Variants in CSNK2A2IP observed in about 807,000 individuals in gnomAD.
The protein encoded by CSNK2A2IP is casein kinase II subunit alpha'-interacting protein.
At chr3:88,357,763 G>GTT in the CSNK2A2IP span, among the ~76,000 whole-genome samples, 63,087 of 150,760 alleles carry the variant, frequency 0.42, 15,992 homozygotes, top group South Asian at 0.64. Flanking sequence ...TTCATCAATG[G>GTT]TTTTTTTTTG....
the CSNK2A2IP span, chr3:88,466,928 C>T: frequency 1.6e-4 from 196 of 1,231,294 alleles, no homozygotes; most frequent in South Asian, 2.5e-4. Context: ...CTTATCCTTT[C>T]TCTACCAGAG....
the CSNK2A2IP span, among the ~76,000 whole-genome samples, chr3:88,439,481 T>C: frequency 0.014 from 2,147 of 152,178 alleles, 47 homozygotes; most frequent in African/African-American, 0.05. Flanking sequence ...TGGTGGCTCA[T>C]GCCTGTAATC....
At chr3:88,414,282 T>G in the CSNK2A2IP span, among the ~76,000 whole-genome samples, 3 of 122,956 alleles carry the variant, frequency 2.4e-5, no homozygotes, top group Non-Finnish European at 5.1e-5. Context: ...TTTTTTTTTT[T>G]TTTTTTTTTT....
the CSNK2A2IP span, among the ~76,000 whole-genome samples, chr3:88,363,437 T>G: frequency 1.2e-4 from 18 of 152,324 alleles, no homozygotes; most frequent in Admixed American, 9.8e-4. Context: ...TTAATTTTAA[T>G]TGAATACAGT....
chr3:88,346,170 T>C, the CSNK2A2IP span, among the ~76,000 whole-genome samples: 1 of 151,976 alleles, frequency 6.6e-6, no homozygotes, highest in Non-Finnish European at 1.5e-5. Flanking sequence ...GTGAGGAAGC[T>C]GCAGAAGAAA....
the CSNK2A2IP span, among the ~76,000 whole-genome samples, chr3:88,370,846 C>A: frequency 9.9e-5 from 15 of 151,530 alleles, no homozygotes; most frequent in African/African-American, 3.1e-4. Context: ...AAAAGTGGAG[C>A]CTTGATTTGA....
the CSNK2A2IP span, among the ~76,000 whole-genome samples, chr3:88,347,358 G>A: frequency 6.6e-6 from 1 of 151,998 alleles, no homozygotes; most frequent in African/African-American, 2.4e-5. Flanking sequence ...AAACAACACT[G>A]CATGCTACAG....
the CSNK2A2IP span, among the ~76,000 whole-genome samples, chr3:88,431,470 G>C: frequency 6.6e-6 from 1 of 152,086 alleles, no homozygotes. Context: ...GGGTTGGAAG[G>C]GGGTGAAGGA....
the CSNK2A2IP span, among the ~76,000 whole-genome samples, chr3:88,344,945 T>G: frequency 6.6e-6 from 1 of 151,960 alleles, no homozygotes; most frequent in Non-Finnish European, 1.5e-5. Flanking sequence ...ATGTTTTAAT[T>G]TCTTTTATGT....
the CSNK2A2IP span, among the ~76,000 whole-genome samples, chr3:88,441,212 G>T: frequency 6.6e-6 from 1 of 152,220 alleles, no homozygotes; most frequent in Middle Eastern, 3.4e-3. Context: ...ATATTTGCTT[G>T]TTTTTTAACT....
chr3:88,343,521 G>A, the CSNK2A2IP span, among the ~76,000 whole-genome samples: 66,522 of 151,698 alleles, frequency 0.44, 15,847 homozygotes, highest in South Asian at 0.62. Context: ...GAAAGTCACT[G>A]ATTTGAGTAA....
the CSNK2A2IP span, among the ~76,000 whole-genome samples, chr3:88,346,171 G>A: frequency 6.6e-6 from 1 of 151,960 alleles, no homozygotes; most frequent in Admixed American, 6.6e-5. Flanking sequence ...TGAGGAAGCT[G>A]CAGAAGAAAA....
the CSNK2A2IP span, among the ~76,000 whole-genome samples, chr3:88,452,397 C>T: frequency 6.6e-6 from 1 of 152,156 alleles, no homozygotes; most frequent in South Asian, 2.1e-4. Context: ...ATATGTGGAA[C>T]ATATTCAAAG....
the CSNK2A2IP span, among the ~76,000 whole-genome samples, chr3:88,381,318 A>T: frequency 1.3e-5 from 2 of 152,180 alleles, no homozygotes; most frequent in Non-Finnish European, 2.9e-5. Context: ...CCTCCTTGAA[A>T]CTGCAATTTG....
At chr3:88,386,229 A>G in the CSNK2A2IP span, among the ~76,000 whole-genome samples, 1 of 151,960 alleles carries the variant, frequency 6.6e-6, no homozygotes, top group South Asian at 2.1e-4. Flanking sequence ...GGTTCAAGCG[A>G]TTCTCCCGCC....
chr3:88,355,059 G>A, the CSNK2A2IP span, among the ~76,000 whole-genome samples: 1 of 152,126 alleles, frequency 6.6e-6, no homozygotes, highest in South Asian at 2.1e-4. Context: ...GATCAACCCT[G>A]TGAAACATGC....
At chr3:88,449,073 CT>C in the CSNK2A2IP span, among the ~76,000 whole-genome samples, 1 of 152,010 alleles carries the variant, frequency 6.6e-6, no homozygotes, top group South Asian at 2.1e-4. Context: ...TCCTCCTTCC[CT>C]TCTCTCCCTC....
At chr3:88,433,842 G>T in the CSNK2A2IP span, among the ~76,000 whole-genome samples, 54,691 of 151,982 alleles carry the variant, frequency 0.36, 11,097 homozygotes, top group Non-Finnish European at 0.47. Flanking sequence ...TCTGCCCACA[G>T]AAATTGTTGC....
the CSNK2A2IP span, among the ~76,000 whole-genome samples, chr3:88,388,632 C>T: frequency 2.6e-5 from 4 of 152,230 alleles, no homozygotes; most frequent in African/African-American, 9.6e-5. Context: ...GGTTTATTAA[C>T]AGTAGTCAGA....
Sources: allele counts gnomAD v4.1 joint callset (sites outside exome capture counted in the v4.1 genomes callset), GRCh38; gene constraint gnomAD v4.1.1; transcripts MANE v1.5; gene names NCBI Gene and HGNC (gene_info 2026-07-23, HGNC 2026-07-21).